Variants in USP53 observed in about 807,000 individuals in gnomAD.
The protein encoded by USP53 is ubiquitin carboxyl-terminal hydrolase 53.
Under a neutral mutation model 94.9 loss-of-function variants are expected in USP53, and 71 were observed. The ratio of observed to expected loss-of-function variants is 0.75; its 90% CI spans 0.62 to 0.91. The LOEUF is 0.91. USP53 is among the 40% of genes least tolerant of loss of function. USP53 has a pLI of 0.00. For synonymous variants in USP53, 375 were observed against 422.7 expected (o/e 0.89, Z 1.39); for missense variants, 1,173 against 1,281.0 (o/e 0.92, Z 1.29).
In USP53 at chr4:119,239,698, G is replaced by A; in HGVS notation, c.-62G>A. ...GACAATTCAAGACATCCATTTTATT[G>A]TCCAAAATATTACATAAAAGTGTAC... On this transcript the variant is annotated 5_prime_UTR_variant, in exon 5 of 19. Coordinates refer to ENST00000692078, the MANE Select transcript of USP53 (RefSeq NM_001371395.1). 1 of 1,525,272 alleles carries A rather than the reference G, an allele frequency of 6.6e-7. No individual in the cohort carries two copies. Among genetic ancestry groups the A allele is most frequent in the Non-Finnish European group, 8.8e-7 (1 of 1,135,692 alleles). The allele number at this position is 1,525,272 out of a possible 1,614,324, so 94.5% of individuals were successfully genotyped here.
intron 10 of USP53, 128 bp from the exon 11 acceptor site, chr4:119,260,376 TAGA>T: frequency 1.6e-6 from 1 of 622,242 alleles, no homozygotes; most frequent in Non-Finnish European, 2.4e-6. Flanking sequence ...AACAGCTTGT[TAGA>T]AGTCAATTTT....
rs1419863305 is a variant in USP53, at chr4:119,294,751, G to C, written c.*1540G>C. The C allele has an allele frequency of 6.6e-6, 1 of 152,082 alleles. No homozygotes were observed. Among genetic ancestry groups the C allele is most frequent in the African/African-American group, 2.4e-5 (1 of 41,440 alleles). The allele number at this position is 152,082 out of a possible 1,614,324, so 9.4% of individuals were successfully genotyped here. A position where few individuals can be genotyped will look rare whatever the true frequency, so the allele number is the denominator to read the frequency against. On this transcript the variant is annotated 3_prime_UTR_variant, in exon 19 of 19. Transcript: ENST00000692078. ...AAGTCTAACTTCACCCAGTTACCAA[G>C]TCTTGGCCAAATTTTATCTTCTGCC...
intron 3 of USP53, among the ~76,000 whole-genome samples, chr4:119,223,364 C>A (rs1744808382): frequency 6.6e-6 from 1 of 152,148 alleles, no homozygotes; most frequent in Non-Finnish European, 1.5e-5. Context: ...TTAGCCAGAT[C>A]AATTCTAGGA....
chr4:119,292,061 A>G (rs1401433116), intron 18 of USP53, among the ~76,000 whole-genome samples: 5 of 152,070 alleles, frequency 3.3e-5, no homozygotes, highest in Admixed American at 2.0e-4. Context: ...AGTTGAAGTG[A>G]GTTTTTAAAA....
chr4:119,261,946 A>T (rs1265156526), intron 12 of USP53, 82 bp downstream of exon 12: 3 of 1,113,494 alleles, frequency 2.7e-6, no homozygotes, highest in Non-Finnish European at 3.5e-6. Context: ...ATTAATATTC[A>T]AAAGGATGAT....
At chr4:119,218,464 G>T (rs1744096039) in intron 3 of USP53, 1 of 152,144 alleles carries the variant, frequency 6.6e-6, no homozygotes, top group Non-Finnish European at 1.5e-5. Flanking sequence ...ATATAGCACG[G>T]TTTTTTGTTA....
At chr4:119,217,211 T>C (rs1743908412) in intron 2 of USP53, among the ~76,000 whole-genome samples, 1 of 152,174 alleles carries the variant, frequency 6.6e-6, no homozygotes. Flanking sequence ...ACCTCATTCT[T>C]TGGCTTTTTC....
At position 119,293,497 on chromosome 4, in the gene USP53, T is replaced by G; in HGVS notation, c.*286T>G. 1 of 241,024 alleles carries G rather than the reference T, an allele frequency of 4.1e-6. No individual in the cohort carries two copies. The highest frequency in any genetic ancestry group is 7.9e-6 in the Non-Finnish European group (1 of 126,746). The allele number at this position is 241,024 out of a possible 1,614,324, so 14.9% of individuals were successfully genotyped here. A position where few individuals can be genotyped will look rare whatever the true frequency, so the allele number is the denominator to read the frequency against. ...ATCAATATCTTAGATATTTTAGAAA[T>G]TCCCTTTGAATAGTCTTGGCGTGCC... On this transcript the variant is annotated 3_prime_UTR_variant, in exon 19 of 19. Coordinates refer to ENST00000692078, the MANE Select transcript of USP53 (RefSeq NM_001371395.1).
chr4:119,255,920 A>G (rs561442992), intron 7 of USP53, among the ~76,000 whole-genome samples: 8 of 152,202 alleles, frequency 5.3e-5, no homozygotes, highest in Admixed American at 3.3e-4. Context: ...TCATTTGAGA[A>G]TGTTGGGAAC....
intron 3 of USP53, chr4:119,219,179 T>A (rs1744187299): frequency 6.6e-6 from 1 of 152,166 alleles, no homozygotes; most frequent in African/African-American, 2.4e-5. Flanking sequence ...CTAGGGCTGT[T>A]GTAACAAAGA....
At chr4:119,213,660 ATGTGTGTGTGTG>A (rs1553962017) in intron 1 of USP53, among the ~76,000 whole-genome samples, 11 of 117,744 alleles carry the variant, frequency 9.3e-5, no homozygotes, top group African/African-American at 3.6e-4. Flanking sequence ...ATATATATAT[ATGTGTGTGTGTG>A]TATGTATGTA....
At chr4:119,265,794 A>T (rs1463378065) in intron 12 of USP53, among the ~76,000 whole-genome samples, 4 of 152,212 alleles carry the variant, frequency 2.6e-5, no homozygotes, top group African/African-American at 7.2e-5. Context: ...AATTGTTCTT[A>T]AAAGTCCCCT....
In USP53 at chr4:119,293,347, AAATAT is replaced by A; in HGVS notation, c.*141_*145del. ...AACTTTTACTTCTCAGAGGCCATTT[AAATAT>A]AATAGGAACCTACTGACCAAACCTA... is the stretch of plus-strand genomic sequence containing the variant. On this transcript the variant is annotated 3_prime_UTR_variant, in exon 19 of 19. Transcript: ENST00000692078. 1.9e-6 allele frequency: 2 copies of A among 1,028,182 alleles called. No individual in the cohort carries two copies. 63.7% of individuals were successfully genotyped at this position (1,028,182 alleles called of 1,614,324 possible).
chr4:119,293,098 A>T lies in USP53; in HGVS notation c.3109A>T (p.Thr1037Ser). The T allele has an allele frequency of 6.2e-7, 1 of 1,613,960 alleles. No individual in the cohort carries two copies. Among genetic ancestry groups the T allele is most frequent in the East Asian group, 2.2e-5 (1 of 44,876 alleles). The change falls in exon 19 of 19, where the codon ACC becomes TCC. Residue 1037 changes from threonine (T) to serine (S), a missense_variant. Thr to Ser is a moderately conservative substitution (Grantham distance 58). Coordinates refer to ENST00000692078, the MANE Select transcript of USP53 (RefSeq NM_001371395.1). ...TCCAAATGAGACAGTTTCATTAACT[A>T]CCTATTTTTCAGTTGATAGCTGCAT... ...TCPNETVSLT[T>S]YFSVDSCMTD...
In USP53 at chr4:119,271,581, A is replaced by G. The variant is rs1751872099; in HGVS notation, c.1721A>G (p.Asp574Gly). Residue 574 changes from aspartate to glycine, a missense_variant, in exon 16 of 19, where the codon GAT (aspartate) becomes GGT (glycine). Physicochemically the swap from Asp to Gly is moderately conservative, Grantham distance 94 (BLOSUM62 -1). Coordinates refer to ENST00000692078, the MANE Select transcript of USP53 (RefSeq NM_001371395.1). Reference protein sequence around the residue: ...QDSRDRGNSCDSSSKSRNRGW... With the variant: ...QDSRDRGNSCGSSSKSRNRGW... Reference sequence around the variant, plus strand: ...TCTAGGGATAGAGGAAACAGCTGTGATAGCAGCAGTAAAAGCCGGAACCGA... The same window carrying G: ...TCTAGGGATAGAGGAAACAGCTGTGGTAGCAGCAGTAAAAGCCGGAACCGA... 1 of 1,613,702 alleles carries G rather than the reference A, an allele frequency of 6.2e-7. No individual in the cohort carries two copies. The highest frequency in any genetic ancestry group is 1.1e-5 in the South Asian group (1 of 91,080).
chr4:119,267,464 T>C lies in USP53; in HGVS notation c.1117T>C (p.Ser373Pro), dbSNP rs759502768. Reference protein sequence around the residue: ...RQVISWSHYKSVAENMGCEKP... With the variant: ...RQVISWSHYKPVAENMGCEKP... ...GGTCATCAGCTGGTCACATTACAAATCTGTTGCAGAAAATATGGGTAATTC... is the reference window on the plus strand; with the variant it reads ...GGTCATCAGCTGGTCACATTACAAACCTGTTGCAGAAAATATGGGTAATTC... The change falls in exon 13 of 19, where the codon TCT becomes CCT. Residue 373 changes from serine to proline, a missense_variant. Ser to Pro is a moderately conservative substitution (Grantham distance 74). Coordinates refer to ENST00000692078, the MANE Select transcript of USP53 (RefSeq NM_001371395.1). The C allele has an allele frequency of 1.9e-6, 3 of 1,606,730 alleles. No homozygotes were observed. In the Admixed American group the frequency reaches 5.2e-5, roughly 28 times the overall value.
intron 3 of USP53, chr4:119,220,436 T>C (rs1744360111): frequency 6.6e-6 from 1 of 152,162 alleles, no homozygotes; most frequent in South Asian, 2.1e-4. Context: ...AAATGCAGTT[T>C]GACAAATATA....
At chr4:119,269,918 T>G (rs1190404801) in intron 15 of USP53, 81 bp downstream of exon 15, 47 of 843,322 alleles carry the variant, frequency 5.6e-5, no homozygotes, top group Non-Finnish European at 6.9e-5. Flanking sequence ...TAACTTTAAT[T>G]TCTGTATATG....
At chr4:119,261,669 A>C (rs1750533396) in intron 11 of USP53, 46 bp from the exon 12 acceptor site, 2 of 1,432,720 alleles carry the variant, frequency 1.4e-6, no homozygotes, top group African/African-American at 1.4e-5. Flanking sequence ...TCCTCATTTT[A>C]CAAAAGATGT....
Sources: allele counts gnomAD v4.1 joint callset (sites outside exome capture counted in the v4.1 genomes callset), GRCh38; gene constraint gnomAD v4.1.1; transcripts MANE v1.5; gene names NCBI Gene and HGNC (gene_info 2026-07-23, HGNC 2026-07-21).